CFAP20DC: variants seen among roughly 807,000 people sequenced by gnomAD.
CFAP20DC encodes CFAP20 domain containing.
In CFAP20DC, 84 loss-of-function variants were observed where a neutral mutation model predicts 101.7. The ratio of observed to expected loss-of-function variants is 0.83; its 90% CI spans 0.69 to 0.99. CFAP20DC has a LOEUF of 0.99. Ranked by LOEUF, CFAP20DC falls within the 50% of genes least tolerant of loss-of-function variation. CFAP20DC has a pLI of 0.00. For synonymous variants in CFAP20DC, 359 were observed against 351.2 expected (o/e 1.02, Z -0.25); for missense variants, 1,007 against 970.3 (o/e 1.04, Z -0.50).
At chr3:58,963,564 C>T (rs753249121) in intron 4 of CFAP20DC, among the ~76,000 whole-genome samples, 10 of 151,922 alleles carry the variant, frequency 6.6e-5, no homozygotes, top group Non-Finnish European at 1.2e-4. Flanking sequence ...TTTATATATT[C>T]CCTTAAAGAC....
chr3:58,790,007 A>G (rs2072716064), intron 15 of CFAP20DC, among the ~76,000 whole-genome samples: 1 of 152,218 alleles, frequency 6.6e-6, no homozygotes, highest in African/African-American at 2.4e-5. Flanking sequence ...TAAGAATTAT[A>G]CCAATTATCC....
At chr3:58,927,006 A>G (rs1374285453) in intron 5 of CFAP20DC, among the ~76,000 whole-genome samples, 1 of 152,236 alleles carries the variant, frequency 6.6e-6, no homozygotes, top group Non-Finnish European at 1.5e-5. Flanking sequence ...TTGAAATTAC[A>G]TTAAAGAAGT....
chr3:59,002,885 C>A lies in CFAP20DC; in HGVS notation c.278+36672G>T, dbSNP rs746397614. ...GAGGCATTTTCATTTTCTCCTTTTA[C>A]ATCTAAAGAAACTGAGGCTCCCAGA... On this transcript the variant is annotated intron_variant, in intron 4 of 16. Coordinates refer to ENST00000482387, the MANE Select transcript of CFAP20DC (RefSeq NM_001394063.1). This position sits in a 1 kb window ranked among gnomAD's most constrained non-coding sequence, Gnocchi z 4.5. 2.6e-5 allele frequency among the ~76,000 whole-genome samples: 4 copies of A among 152,202 alleles called. No homozygotes were observed. The highest frequency in any genetic ancestry group is 4.4e-5 in the Non-Finnish European group (3 of 68,032).
intron 14 of CFAP20DC, chr3:58,824,533 A>G (rs532439675): frequency 6.6e-6 from 1 of 152,308 alleles, no homozygotes; most frequent in South Asian, 2.1e-4. Context: ...AATGAAGGCT[A>G]AATAAAAGAA....
chr3:58,997,624 C>G (rs921974399), intron 4 of CFAP20DC, among the ~76,000 whole-genome samples: 2 of 152,160 alleles, frequency 1.3e-5, no homozygotes, highest in African/African-American at 4.8e-5. Flanking sequence ...AGCTCACAAC[C>G]TCATGGAAGA....
At chr3:59,008,085 A>T (rs755347515) in intron 4 of CFAP20DC, among the ~76,000 whole-genome samples, 3 of 152,188 alleles carry the variant, frequency 2.0e-5, no homozygotes, top group Non-Finnish European at 4.4e-5. Context: ...ATGCACTTAT[A>T]GACAGCCTTT....
Position 58,717,572 on chromosome 3 carries a change from AGT to A in CFAP20DC, c.*14_*15del, listed in dbSNP as rs1559521824. 6.6e-6 allele frequency: 3 copies of A among 452,098 alleles called. No homozygotes were observed. The highest frequency in any genetic ancestry group is 3.2e-5 in the South Asian group (2 of 62,972). 28.0% of individuals were successfully genotyped at this position (452,098 alleles called of 1,614,324 possible). A position where few individuals can be genotyped will look rare whatever the true frequency, so the allele number is the denominator to read the frequency against. ...CAGGTTCTTGTCCTGATATCTTTAG[AGT>A]GTGAGTTTTGCCTTCACAGTTGCAA... On this transcript the variant is annotated 3_prime_UTR_variant, in exon 4 of 4. Transcript: ENST00000486145. This position sits in a 1 kb window ranked among gnomAD's most constrained non-coding sequence, Gnocchi z 4.1.
At chr3:58,959,152 T>C (rs1379847515) in intron 4 of CFAP20DC, among the ~76,000 whole-genome samples, 1 of 152,224 alleles carries the variant, frequency 6.6e-6, no homozygotes, top group Admixed American at 6.5e-5. Context: ...TGGAGTGCAA[T>C]GGTGCCATCT....
At chr3:58,819,819 G>T (rs984841455) in intron 14 of CFAP20DC, among the ~76,000 whole-genome samples, 1 of 148,990 alleles carries the variant, frequency 6.7e-6, no homozygotes, top group Non-Finnish European at 1.5e-5. Context: ...TGATACCAAA[G>T]CCGGGCAGAG....
intron 14 of CFAP20DC, among the ~76,000 whole-genome samples, chr3:58,821,373 G>A (rs1191150539): frequency 6.6e-6 from 1 of 151,960 alleles, no homozygotes; most frequent in Non-Finnish European, 1.5e-5. Context: ...CAAAATGGGA[G>A]AAAATTTTTG....
intron 4 of CFAP20DC, among the ~76,000 whole-genome samples, chr3:58,968,765 G>A (rs1295606862): frequency 6.6e-6 from 1 of 152,124 alleles, no homozygotes; most frequent in Non-Finnish European, 1.5e-5. Context: ...TGGTGTCTTT[G>A]TCATGAAATC....
In CFAP20DC at chr3:58,898,644, A is replaced by G. The variant is rs540812799; in HGVS notation, c.551-13935T>C. On this transcript the variant is annotated intron_variant, in intron 6 of 16. Transcript: ENST00000482387. Reference sequence around the variant, plus strand: ...GGGTTACAACATGCTCCTTTAGCTCAGCAAAGTTCGTTATTACCCACCTTC... The same window carrying G: ...GGGTTACAACATGCTCCTTTAGCTCGGCAAAGTTCGTTATTACCCACCTTC... Among the ~76,000 whole-genome samples the G allele has an allele frequency of 2.0e-5, 3 of 152,318 alleles. No individual in the cohort carries two copies. In the East Asian group the frequency reaches 5.8e-4, roughly 29 times the overall value.
At chr3:58,909,640 C>T (rs2083945979) in intron 6 of CFAP20DC, among the ~76,000 whole-genome samples, 1 of 152,074 alleles carries the variant, frequency 6.6e-6, no homozygotes, top group African/African-American at 2.4e-5. Flanking sequence ...AAGAGTCATC[C>T]TTTGAATTCT....
intron 7 of CFAP20DC, among the ~76,000 whole-genome samples, chr3:58,879,274 A>G (rs995710642): frequency 5.3e-5 from 8 of 152,224 alleles, no homozygotes; most frequent in Admixed American, 1.3e-4. Context: ...CAGTGTGTAC[A>G]TGCATTGAAA....
intron 15 of CFAP20DC, among the ~76,000 whole-genome samples, chr3:58,769,540 A>G (rs556007341): frequency 9.2e-5 from 14 of 152,294 alleles, no homozygotes; most frequent in African/African-American, 3.1e-4. Flanking sequence ...ATGAGAGCAA[A>G]AAGATGGGAA....
In CFAP20DC at chr3:58,795,407, T is replaced by C. The variant is rs2073166211; in HGVS notation, c.2237+10988A>G. Among the ~76,000 whole-genome samples the C allele has an allele frequency of 6.6e-6, 1 of 151,820 alleles. No individual in the cohort carries two copies. Among genetic ancestry groups the C allele is most frequent in the Admixed American group, 6.6e-5 (1 of 15,246 alleles). Reference sequence around the variant, plus strand: ...AACCCAGCCCTTTGGGAGGCCAAGGTGGAGGGACGGTTGCTTGAGCCCAGG... The same window carrying C: ...AACCCAGCCCTTTGGGAGGCCAAGGCGGAGGGACGGTTGCTTGAGCCCAGG... On this transcript the variant is annotated intron_variant, in intron 15 of 16. Transcript: ENST00000482387. This position sits in a 1 kb window ranked among gnomAD's most constrained non-coding sequence, Gnocchi z 4.2.
intron 13 of CFAP20DC, among the ~76,000 whole-genome samples, chr3:58,832,262 C>T (rs1450384268): frequency 6.6e-6 from 1 of 152,092 alleles, no homozygotes; most frequent in Non-Finnish European, 1.5e-5. Flanking sequence ...TTATGATGCC[C>T]TCTCAGAATC....
chr3:58,997,004 G>A (rs2093157415), intron 4 of CFAP20DC, among the ~76,000 whole-genome samples: 1 of 152,170 alleles, frequency 6.6e-6, no homozygotes, highest in South Asian at 2.1e-4. Context: ...CACTCCAGGA[G>A]GGACTCTGGC....
intron 4 of CFAP20DC, among the ~76,000 whole-genome samples, chr3:58,965,509 G>A (rs373633007): frequency 8.2e-4 from 124 of 152,102 alleles, no homozygotes; most frequent in Middle Eastern, 3.4e-3. Context: ...AGGGTATTAG[G>A]TACCAATCTC....
Sources: allele counts gnomAD v4.1 joint callset (sites outside exome capture counted in the v4.1 genomes callset), GRCh38; gene constraint gnomAD v4.1.1; non-coding constraint Gnocchi (gnomAD v3.1); transcripts MANE v1.5; gene names NCBI Gene and HGNC (gene_info 2026-07-23, HGNC 2026-07-21).